CCSER1: variants seen among roughly 807,000 people sequenced by gnomAD.
CCSER1 encodes coiled-coil serine rich protein 1, also known as serine-rich coiled-coil domain-containing protein 1.
A neutral mutation model predicts 82.0 loss-of-function variants in CCSER1; 41 were observed. That is an observed-to-expected ratio of 0.50 (90% CI 0.39 to 0.65). The LOEUF (loss-of-function observed/expected upper bound fraction) is 0.65, where lower values mean the gene tolerates loss of function less well. Among genes scored for constraint, CCSER1 ranks in the 30% least tolerant of loss-of-function variants. CCSER1 has a pLI of 0.00. For missense variants in CCSER1, 1,119 were observed against 1,064.2 expected (o/e 1.05, Z -0.72); for synonymous variants, 414 against 383.9 (o/e 1.08, Z -0.92).
At chr4:90,536,264 C>T (rs1775345361) in intron 5 of CCSER1, among the ~76,000 whole-genome samples, 2 of 152,096 alleles carry the variant, frequency 1.3e-5, no homozygotes, top group Admixed American at 6.5e-5. Context: ...GAACTCCTGA[C>T]CTCAGGTGAT....
chr4:90,312,773 C>T (rs137919859), intron 2 of CCSER1, 90 bp from the exon 3 acceptor site: 20 of 998,956 alleles, frequency 2.0e-5, no homozygotes, highest in South Asian at 6.7e-5. Flanking sequence ...TTGAATAACA[C>T]TAAGAGTTTT....
At chr4:90,841,286 A>C (rs1762530810) in intron 8 of CCSER1, among the ~76,000 whole-genome samples, 1 of 152,168 alleles carries the variant, frequency 6.6e-6, no homozygotes, top group South Asian at 2.1e-4. Flanking sequence ...TTAATAAAGA[A>C]GAAAATATTT....
chr4:91,551,656 A>C (rs1553954363), intron 10 of CCSER1, among the ~76,000 whole-genome samples: 4 of 139,522 alleles, frequency 2.9e-5, no homozygotes, highest in African/African-American at 1.1e-4. Context: ...GCAAAAAACA[A>C]ACACACACAC....
chr4:90,754,992 G>T (rs1243733434), intron 7 of CCSER1, among the ~76,000 whole-genome samples: 5 of 152,050 alleles, frequency 3.3e-5, no homozygotes, highest in Non-Finnish European at 5.9e-5. Flanking sequence ...AGCTATTGGA[G>T]TTCCTGCCAT....
At chr4:90,691,678 T>C (rs1735990920) in intron 6 of CCSER1, among the ~76,000 whole-genome samples, 1 of 141,528 alleles carries the variant, frequency 7.1e-6, no homozygotes, top group Non-Finnish European at 1.6e-5. Context: ...CGTGTGTATC[T>C]ATGTGTATAT....
chr4:91,194,940 T>C (rs17209250), intron 10 of CCSER1, among the ~76,000 whole-genome samples: 29,876 of 152,088 alleles, frequency 0.2, 3,208 homozygotes, highest in Non-Finnish European at 0.23. Flanking sequence ...TTACAAAAAG[T>C]AATTGGGTTA....
At chr4:90,724,906 T>C (rs1743354761) in intron 7 of CCSER1, 1 of 338,536 alleles carries the variant, frequency 3.0e-6, no homozygotes, top group Non-Finnish European at 5.8e-6. Flanking sequence ...TTTTCATATA[T>C]TCAATATTGC....
At position 91,177,414 on chromosome 4, in the gene CCSER1, G is replaced by A. The variant is rs148689176; in HGVS notation, c.2217+91420G>A. On this transcript the variant is annotated intron_variant, in intron 10 of 10. Transcript: ENST00000509176. Reference sequence around the variant, plus strand: ...GAATGGCACAAGCTCCTCTTTGTACGTCTGGTAGAATTTGGCTGTGAATCC... The same window carrying A: ...GAATGGCACAAGCTCCTCTTTGTACATCTGGTAGAATTTGGCTGTGAATCC... Among the ~76,000 whole-genome samples, 9 of 152,186 alleles carry A rather than the reference G, an allele frequency of 5.9e-5. No individual in the cohort carries two copies. The South Asian group carries it at 6.2e-4, about 11-fold the overall frequency.
chr4:90,407,479 G>A lies in CCSER1; in HGVS notation c.1603+7350G>A, dbSNP rs546108554. ...CACTATTCTGAAAGATAGAGAAAGA[G>A]GGAATCCTCCTTAAATCATTCTATG... On this transcript the variant is annotated intron_variant, in intron 4 of 10. Coordinates refer to ENST00000509176, the MANE Select transcript of CCSER1 (RefSeq NM_001145065.2). Among the ~76,000 whole-genome samples, 253 of 152,274 alleles carry A rather than the reference G, an allele frequency of 1.7e-3. 1 individual carries two copies. Among genetic ancestry groups the A allele is most frequent in the African/African-American group, 5.7e-3 (236 of 41,562 alleles).
intron 8 of CCSER1, among the ~76,000 whole-genome samples, chr4:90,866,906 A>C (rs1159015355): frequency 6.6e-6 from 1 of 151,698 alleles, no homozygotes; most frequent in Non-Finnish European, 1.5e-5. Context: ...CCCCCATGAG[A>C]CTCTAATGCC....
At chr4:90,398,268 C>T (rs1231018452) in intron 3 of CCSER1, among the ~76,000 whole-genome samples, 1 of 152,144 alleles carries the variant, frequency 6.6e-6, no homozygotes, top group Non-Finnish European at 1.5e-5. Flanking sequence ...TCTTTCAGGG[C>T]TCTGTCTCCA....
At chr4:91,464,573 A>T (rs990167162) in intron 10 of CCSER1, among the ~76,000 whole-genome samples, 1 of 152,292 alleles carries the variant, frequency 6.6e-6, no homozygotes, top group East Asian at 1.9e-4. Context: ...CAGATAAAGA[A>T]TCAAGACCCA....
chr4:90,364,431 T>C (rs899637285), intron 3 of CCSER1, among the ~76,000 whole-genome samples: 1 of 152,068 alleles, frequency 6.6e-6, no homozygotes, highest in African/African-American at 2.4e-5. Context: ...GATGGTGTTC[T>C]GATTTTAGAA....
At chr4:90,349,696 G>A (rs1044428756) in intron 3 of CCSER1, among the ~76,000 whole-genome samples, 12 of 151,792 alleles carry the variant, frequency 7.9e-5, no homozygotes, top group Non-Finnish European at 1.6e-4. Context: ...TATACATTGT[G>A]TGAACCTCTA....
At chr4:90,322,452 G>A (rs1239196351) in intron 3 of CCSER1, among the ~76,000 whole-genome samples, 1 of 151,968 alleles carries the variant, frequency 6.6e-6, no homozygotes, top group Admixed American at 6.6e-5. Flanking sequence ...TGATGGTTTT[G>A]GCTATTCTGG....
intron 10 of CCSER1, among the ~76,000 whole-genome samples, chr4:91,284,339 G>A (rs1743120383): frequency 6.6e-6 from 1 of 152,008 alleles, no homozygotes; most frequent in African/African-American, 2.4e-5. Flanking sequence ...ACTTGACATT[G>A]TAACAATGTT....
Position 91,426,222 on chromosome 4 carries a change from CT to C in CCSER1, c.2218-172344del, listed in dbSNP as rs527464705. ...TCCCTGCAAAGGACATGAACTCATC[CT>C]TTTTTATGGCTGCATAGTATTCCAT... is the stretch of plus-strand genomic sequence containing the variant. On this transcript the variant is annotated intron_variant, in intron 10 of 10. Transcript: ENST00000509176. Among the ~76,000 whole-genome samples, 15 of 152,252 alleles carry C rather than the reference CT, an allele frequency of 9.9e-5. 1 individual carries two copies. The South Asian group carries it at 2.9e-3, about 29-fold the overall frequency.
intron 10 of CCSER1, among the ~76,000 whole-genome samples, chr4:91,475,861 T>C (rs748085755): frequency 5.2e-4 from 79 of 151,872 alleles, no homozygotes; most frequent in Admixed American, 4.5e-3. Flanking sequence ...GATTAATTTT[T>C]TTAGCTCCCA....
At chr4:91,221,803 T>C (rs898836953) in intron 10 of CCSER1, among the ~76,000 whole-genome samples, 1 of 152,000 alleles carries the variant, frequency 6.6e-6, no homozygotes, top group Non-Finnish European at 1.5e-5. Context: ...CTGGAAACAG[T>C]CCATTAATAA....
Sources: gnomAD v4.1 joint callset for allele counts (sites outside exome capture counted in the v4.1 genomes callset) on GRCh38, gnomAD v4.1.1 for gene constraint, MANE v1.5 for transcripts, NCBI Gene and HGNC (gene_info 2026-07-23, HGNC 2026-07-21) for gene names.